FAT1: variants seen among roughly 807,000 people sequenced by gnomAD.
FAT1 encodes protocadherin Fat 1.
Under a neutral mutation model 329.8 loss-of-function variants are expected in FAT1, and 171 were observed. The ratio of observed to expected loss-of-function variants is 0.52; its 90% CI spans 0.46 to 0.59. FAT1 has a LOEUF of 0.59. Ranked by LOEUF, FAT1 falls within the 20% of genes least tolerant of loss-of-function variation. The pLI, the probability that FAT1 is intolerant of heterozygous loss-of-function variation, is 0.00. For missense variants in FAT1, 5,672 were observed against 5,774.4 expected (o/e 0.98, Z 0.57); for synonymous variants, 2,233 against 2,228.6 (o/e 1.00, Z -0.06).
intron 2 of FAT1, among the ~76,000 whole-genome samples, chr4:186,701,959 C>A (rs961325536): frequency 6.6e-6 from 1 of 151,524 alleles, no homozygotes; most frequent in Non-Finnish European, 1.5e-5. Flanking sequence ...CAGGAGCCGA[C>A]CCCACACAGG....
rs910018402 is a variant in FAT1, at chr4:186,682,934, G to A, written c.3266-19321C>T. Among the ~76,000 whole-genome samples the A allele has an allele frequency of 4.6e-5, 7 of 152,180 alleles. No individual in the cohort carries two copies. In the East Asian group the frequency reaches 7.7e-4, roughly 17 times the overall value. On this transcript the variant is annotated intron_variant, in intron 2 of 26. Transcript: ENST00000441802. ...AAAGGAAGAGTGTGTGCCACAAAAC[G>A]GAGTCCTCTCCTGTGGTAAGGCAGG... is the stretch of plus-strand genomic sequence containing the variant.
At position 186,620,173 on chromosome 4, in the gene FAT1, T is replaced by C. The variant is rs780444021; in HGVS notation, c.6413A>G (p.Lys2138Arg). ...TAAGGTGTCAAGCTCAAATTGCTTT[T>C]TCAGTGAAATTTCACCCAAGGGTCC... ...QIGPLGEISL[K>R]KQFELDTLNK... Residue 2138 changes from lysine (K) to arginine (R), a missense_variant, in exon 10 of 27, where the codon AAA becomes AGA. Physicochemically the swap from Lys to Arg is conservative, Grantham distance 26 (BLOSUM62 2). Around this residue, in one of 2 missense-constraint regions of FAT1, gnomAD observed 3,966 missense variants for 3,915.2 expected, o/e 1.01. Transcript: ENST00000441802. 7 of 1,613,910 alleles carry C rather than the reference T, an allele frequency of 4.3e-6. No homozygotes were observed. The highest frequency in any genetic ancestry group is 1.3e-5 in the African/African-American group (1 of 74,942).
intron 26 of FAT1, chr4:186,590,454 C>T (rs566227002): frequency 2.7e-4 from 335 of 1,240,372 alleles, no homozygotes; most frequent in Non-Finnish European, 3.3e-4. Context: ...TTAAAACAGT[C>T]GGCTGAAAAG....
intron 3 of FAT1, among the ~76,000 whole-genome samples, chr4:186,647,931 A>G (rs1361941574): frequency 6.6e-6 from 1 of 152,172 alleles, no homozygotes; most frequent in Non-Finnish European, 1.5e-5. Flanking sequence ...AATCAGCAAC[A>G]TTAAGGACAA....
In FAT1 at chr4:186,708,387, T is replaced by C. The variant is rs371286995; in HGVS notation, c.1441A>G (p.Thr481Ala). The C allele has an allele frequency of 4.3e-6, 7 of 1,613,812 alleles. No homozygotes were observed. Among genetic ancestry groups the C allele is most frequent in the Non-Finnish European group, 5.9e-6 (7 of 1,179,864 alleles). The stretch of plus-strand genomic sequence containing the variant: ...TCTACGGCACTCAGGCTCATGACAG[T>C]AGTACCAATGGGCACGTTCTCATCA... ...AFDENVPIGT[T>A]VMSLSAVDPD... Residue 481 changes from threonine to alanine, a missense_variant, in exon 2 of 27, where the codon ACT (threonine) becomes GCT (alanine). Thr to Ala is a moderately conservative substitution (Grantham distance 58). Around this residue, in one of 2 missense-constraint regions of FAT1, gnomAD observed 3,966 missense variants for 3,915.2 expected, o/e 1.01. Transcript: ENST00000441802.
At chr4:186,706,210 G>C (rs141325878) in intron 2 of FAT1, among the ~76,000 whole-genome samples, 11 of 152,140 alleles carry the variant, frequency 7.2e-5, no homozygotes, top group Non-Finnish European at 1.5e-4. Flanking sequence ...ACTGAAAAAA[G>C]TTGGAAAGAC....
At position 186,718,121 on chromosome 4, in the gene FAT1, C is replaced by T. The variant is rs1175508029; in HGVS notation, c.-19+5543G>A. ...ATTCGGTCAACCCTTCACTAAATGA[C>T]AGACCAGGAAAGTGAATGTTCCATG... On this transcript the variant is annotated intron_variant, in intron 1 of 26. Coordinates refer to ENST00000441802, the MANE Select transcript of FAT1 (RefSeq NM_005245.4). 4.6e-5 allele frequency among the ~76,000 whole-genome samples: 7 copies of T among 152,282 alleles called. No individual in the cohort carries two copies. In the South Asian group the frequency reaches 1.0e-3, roughly 23 times the overall value.
intron 11 of FAT1, among the ~76,000 whole-genome samples, chr4:186,615,776 C>G (rs945723113): frequency 6.6e-6 from 1 of 152,082 alleles, no homozygotes; most frequent in African/African-American, 2.4e-5. Flanking sequence ...CTTCTTTTTC[C>G]CTTTTGTTAG....
In FAT1 at chr4:186,592,184, T is replaced by G. The variant is rs544414374; in HGVS notation, c.13139-2964A>C. ...AATTTGGGGAAGGTGCTCAATGTCC[T>G]TTCTTACAACTCTGAGCAGATAAAG... On this transcript the variant is annotated intron_variant, in intron 26 of 26. Coordinates refer to ENST00000441802, the MANE Select transcript of FAT1 (RefSeq NM_005245.4). Among the ~76,000 whole-genome samples, 8 of 152,346 alleles carry G rather than the reference T, an allele frequency of 5.3e-5. No homozygotes were observed. The East Asian group carries it at 1.5e-3, about 29-fold the overall frequency.
At chr4:186,670,549 A>G (rs1313077217) in intron 2 of FAT1, among the ~76,000 whole-genome samples, 1 of 152,196 alleles carries the variant, frequency 6.6e-6, no homozygotes, top group Non-Finnish European at 1.5e-5. Context: ...GCTGCAATTA[A>G]TCTATAAACG....
chr4:186,639,638 C>A (rs2126570690), intron 4 of FAT1, 84 bp downstream of exon 4: 1 of 892,928 alleles, frequency 1.1e-6, no homozygotes, highest in Admixed American at 2.3e-5. Context: ...GCTAAGAATA[C>A]TGGTTAATGG....
At position 186,596,977 on chromosome 4, in the gene FAT1, A is replaced by G. The variant is rs1444319770; in HGVS notation, c.12563T>C (p.Phe4188Ser). 3.7e-6 allele frequency: 6 copies of G among 1,613,970 alleles called. No homozygotes were observed. The highest frequency in any genetic ancestry group is 5.1e-6 in the Non-Finnish European group (6 of 1,179,882). ...CACCAGTAAAAATATCCCTGCAACA[A>G]ACACAACGATTCCAATTCCTTCCGC... is the stretch of plus-strand genomic sequence containing the variant. ...GLAEGIGIVV[F>S]VAGIFLLVVV... Residue 4188 changes from phenylalanine (F) to serine (S), a missense_variant, in exon 25 of 27, where the codon TTT becomes TCT. Phe to Ser is a radical substitution (Grantham distance 155). Transcript: ENST00000441802. The surrounding 1 kb of genome is among the most constrained non-coding windows in gnomAD (Gnocchi z 4.7).
intron 2 of FAT1, among the ~76,000 whole-genome samples, chr4:186,679,146 C>T (rs1035803884): frequency 6.6e-6 from 1 of 151,940 alleles, no homozygotes; most frequent in Admixed American, 6.6e-5. Flanking sequence ...TATGGGAGGC[C>T]GAGGCGGGTG....
rs950199450 is a variant in FAT1, at chr4:186,596,191, G to A, written c.13000+349C>T. Reference sequence around the variant, plus strand: ...TAATATAAATATTTCCACTTCGCCAGGTCATATTTTTAAAAATCCTAGCAT... The same window carrying A: ...TAATATAAATATTTCCACTTCGCCAAGTCATATTTTTAAAAATCCTAGCAT... On this transcript the variant is annotated intron_variant, in intron 25 of 26. Transcript: ENST00000441802. The surrounding 1 kb of genome is among the most constrained non-coding windows in gnomAD (Gnocchi z 4.7). Among the ~76,000 whole-genome samples, 1 of 152,038 alleles carries A rather than the reference G, an allele frequency of 6.6e-6. No individual in the cohort carries two copies. Among genetic ancestry groups the A allele is most frequent in the African/African-American group, 2.4e-5 (1 of 41,380 alleles).
intron 17 of FAT1, 137 bp downstream of exon 17, chr4:186,605,933 A>G: frequency 2.6e-6 from 2 of 763,328 alleles, no homozygotes; most frequent in Admixed American, 2.6e-5. Context: ...ATCTTTTAAT[A>G]CTGATAGCGA....
chr4:186,659,418 T>C (rs867317650), intron 3 of FAT1, among the ~76,000 whole-genome samples: 1 of 152,250 alleles, frequency 6.6e-6, no homozygotes, highest in Non-Finnish European at 1.5e-5. Context: ...CCCAAATTCA[T>C]GTTTCTAAGA....
chr4:186,615,595 C>T (rs1055538902), intron 11 of FAT1, among the ~76,000 whole-genome samples: 1 of 152,206 alleles, frequency 6.6e-6, no homozygotes, highest in Non-Finnish European at 1.5e-5. Context: ...AGACCGCCAC[C>T]TACACAGCAT....
rs2126414733 is a variant in FAT1 at position 186,600,299 on chromosome 4, A to C, written c.11702T>G (p.Val3901Gly). ...CCCATCATTGACCTGAATGCTCTGAACAGAGACAATTCCAGGGCCACTTCC... is the reference window on the plus strand; with the variant it reads ...CCCATCATTGACCTGAATGCTCTGACCAGAGACAATTCCAGGGCCACTTCC... ...DCGSGPGIVS[V>G]QSIQVNDGQW... is the part of the protein sequence containing the mutation. The change falls in exon 22 of 27, where the codon GTT becomes GGT. Residue 3901 changes from valine (V) to glycine (G), a missense_variant. This residue lies in a region of FAT1 where 1,706 missense variants were observed against 1,859.1 expected (regional missense o/e 0.92). Transcript: ENST00000441802. 1.2e-6 allele frequency: 2 copies of C among 1,613,820 alleles called. No homozygotes were observed. The highest frequency in any genetic ancestry group is 1.7e-6 in the Non-Finnish European group (2 of 1,179,826).
At chr4:186,616,975 A>G in intron 11 of FAT1, 30 bp downstream of exon 11, 1 of 1,580,896 alleles carries the variant, frequency 6.3e-7, no homozygotes, top group South Asian at 1.2e-5. Context: ...GAAATTCATA[A>G]CACACAAATG....
Sources: allele counts gnomAD v4.1 joint callset (sites outside exome capture counted in the v4.1 genomes callset), GRCh38; gene constraint gnomAD v4.1.1; regional missense constraint gnomAD v4.1.1; non-coding constraint Gnocchi (gnomAD v3.1); transcripts MANE v1.5; gene names NCBI Gene and HGNC (gene_info 2026-07-23, HGNC 2026-07-21).